SIPA1L1: variants seen among roughly 807,000 people sequenced by gnomAD.
The protein encoded by SIPA1L1 is signal induced proliferation associated 1 like 1.
Under a neutral mutation model 162.7 loss-of-function variants are expected in SIPA1L1, and 26 were observed. The observed-to-expected ratio is 0.16, with a 90% CI of 0.12 to 0.22. The LOEUF (loss-of-function observed/expected upper bound fraction) is 0.22. Among genes scored for constraint, SIPA1L1 ranks in the 10% least tolerant of loss-of-function variants. The probability of loss-of-function intolerance (pLI) is 1.00; values close to 1 mark genes in which losing one functional copy is unlikely to be tolerated. For missense variants in SIPA1L1, 1,874 were observed against 2,241.0 expected, an observed-to-expected ratio of 0.84 and a Z score of 3.31; for synonymous variants, 829 against 837.4, an observed-to-expected ratio of 0.99 and a Z score of 0.17.
intron 5 of SIPA1L1, among the ~76,000 whole-genome samples, chr14:71,599,088 T>G (rs184137261): frequency 1.9e-3 from 293 of 151,906 alleles, no homozygotes; most frequent in African/African-American, 6.6e-3. Context: ...CTTATTTCAC[T>G]TAACATAATG....
chr14:71,709,810 A>G (rs2082732439), intron 17 of SIPA1L1, 146 bp downstream of exon 17: 1 of 634,064 alleles, frequency 1.6e-6, no homozygotes, highest in Non-Finnish European at 2.6e-6. Context: ...AATGCCCTTT[A>G]TTTGCCTTCA....
At chr14:71,679,274 A>G (rs1472386752) in intron 12 of SIPA1L1, among the ~76,000 whole-genome samples, 1 of 152,188 alleles carries the variant, frequency 6.6e-6, no homozygotes, top group East Asian at 1.9e-4. Context: ...AGTGGGGGCC[A>G]ATATTCAACA....
chr14:71,339,049 G>C (rs2035378796), intron 2 of SIPA1L1, among the ~76,000 whole-genome samples: 2 of 152,080 alleles, frequency 1.3e-5, no homozygotes, highest in South Asian at 4.1e-4. Flanking sequence ...CAGATTACCA[G>C]ATATTTATTG....
At chr14:71,416,704 AAAAG>A (rs1045843317) in intron 2 of SIPA1L1, among the ~76,000 whole-genome samples, 16 of 135,920 alleles carry the variant, frequency 1.2e-4, no homozygotes, top group African/African-American at 2.7e-4. Context: ...TCTATACTCT[AAAAG>A]AAAGAAAAAT....
At chr14:71,568,429 C>G (rs2031229116) in intron 4 of SIPA1L1, among the ~76,000 whole-genome samples, 1 of 152,170 alleles carries the variant, frequency 6.6e-6, no homozygotes, top group South Asian at 2.1e-4. Flanking sequence ...GGGCCATTCA[C>G]AAGCCTGAGT....
Position 71,344,451 on chromosome 14 carries a change from G to T in SIPA1L1, c.-465+23270G>T, listed in dbSNP as rs1269230156. Among the ~76,000 whole-genome samples, 5 of 152,244 alleles carry T rather than the reference G, an allele frequency of 3.3e-5. No homozygotes were observed. The East Asian group carries it at 9.6e-4, about 29-fold the overall frequency. ...TTAGTATGTCACTTGTAAGGCAGCAGGCCCAGTGCCTGACATATAGTAGAT... is the reference window on the plus strand; with the variant it reads ...TTAGTATGTCACTTGTAAGGCAGCATGCCCAGTGCCTGACATATAGTAGAT... On this transcript the variant is annotated intron_variant, in intron 2 of 23. Transcript: ENST00000381232.
intron 13 of SIPA1L1, among the ~76,000 whole-genome samples, chr14:71,688,740 T>G (rs967603940): frequency 6.6e-6 from 1 of 152,180 alleles, no homozygotes; most frequent in African/African-American, 2.4e-5. Flanking sequence ...ATTTGGACCT[T>G]TCAGAGGAAT....
chr14:71,648,301 T>A (rs188158086), intron 7 of SIPA1L1, among the ~76,000 whole-genome samples: 423 of 151,872 alleles, frequency 2.8e-3, no homozygotes, highest in Non-Finnish European at 4.4e-3. Flanking sequence ...ATCTCAAAAA[T>A]ATATATATAT....
At chr14:71,413,713 G>T (rs2042567398) in intron 2 of SIPA1L1, among the ~76,000 whole-genome samples, 1 of 152,084 alleles carries the variant, frequency 6.6e-6, no homozygotes, top group Non-Finnish European at 1.5e-5. Flanking sequence ...CTCCAGCCTG[G>T]GCGACAAGAG....
chr14:71,718,461 T>C (rs1303545822), intron 17 of SIPA1L1, among the ~76,000 whole-genome samples: 2 of 152,210 alleles, frequency 1.3e-5, no homozygotes, highest in Non-Finnish European at 2.9e-5. Context: ...GGATCGGGGT[T>C]GATCTTATTT....
chr14:71,468,370 A>G (rs1396195212), intron 2 of SIPA1L1, among the ~76,000 whole-genome samples: 1 of 152,238 alleles, frequency 6.6e-6, no homozygotes, highest in Non-Finnish European at 1.5e-5. Context: ...CTGTACAAGC[A>G]TGGTGCTGGC....
In SIPA1L1 at chr14:71,710,164, A is replaced by G. The variant is rs182384763; in HGVS notation, c.4208+500A>G. 5.8e-3 allele frequency among the ~76,000 whole-genome samples: 879 copies of G among 152,322 alleles called. 8 individuals are homozygous for G. Among genetic ancestry groups the G allele is most frequent in the Middle Eastern group, 0.024 (7 of 294 alleles). ...GATATTTACATTGTAACTTTTTTTC[A>G]GTAATTGGCTCCTGGCAGCAATGGG... On this transcript the variant is annotated intron_variant, in intron 17 of 23. Transcript: ENST00000381232.
At chr14:71,350,789 AT>A (rs767777029) in intron 2 of SIPA1L1, among the ~76,000 whole-genome samples, 39 of 152,296 alleles carry the variant, frequency 2.6e-4, no homozygotes, top group Admixed American at 2.0e-4. Context: ...TAAATAGGTT[AT>A]TAGTTAGGGG....
chr14:71,438,376 C>T (rs1281263686), intron 2 of SIPA1L1, among the ~76,000 whole-genome samples: 1 of 152,180 alleles, frequency 6.6e-6, no homozygotes, highest in South Asian at 2.1e-4. Context: ...CCCCTGTGGC[C>T]TTCCTGCTCT....
intron 2 of SIPA1L1, among the ~76,000 whole-genome samples, chr14:71,367,742 G>T (rs1290017439): frequency 6.6e-6 from 1 of 151,028 alleles, no homozygotes; most frequent in Admixed American, 6.6e-5. Context: ...GAGTAGCTGG[G>T]ATTACAGGCG....
At chr14:71,433,123 T>C (rs907052066) in intron 2 of SIPA1L1, among the ~76,000 whole-genome samples, 2 of 152,210 alleles carry the variant, frequency 1.3e-5, no homozygotes, top group Non-Finnish European at 2.9e-5. Context: ...TATTCTGCTG[T>C]ATAGTGTTAG....
chr14:71,665,567 T>C (rs1414710323), intron 10 of SIPA1L1, among the ~76,000 whole-genome samples: 1 of 152,202 alleles, frequency 6.6e-6, no homozygotes, highest in African/African-American at 2.4e-5. Flanking sequence ...GAGCTGTTAA[T>C]AGCGAGTATA....
chr14:71,417,533 G>C (rs1212430636), intron 2 of SIPA1L1, among the ~76,000 whole-genome samples: 3 of 128,720 alleles, frequency 2.3e-5, no homozygotes, highest in African/African-American at 8.9e-5. Context: ...AAATATATTT[G>C]CTATTCATTA....
intron 19 of SIPA1L1, 79 bp from the exon 20 acceptor site, chr14:71,729,976 A>T (rs1345707448): frequency 6.6e-7 from 1 of 1,511,332 alleles, no homozygotes; most frequent in Non-Finnish European, 9.0e-7. Flanking sequence ...TAACTTGGTT[A>T]TCCCACCCTC....
Sources: allele counts gnomAD v4.1 joint callset (sites outside exome capture counted in the v4.1 genomes callset), GRCh38; gene constraint gnomAD v4.1.1; transcripts MANE v1.5; gene names NCBI Gene and HGNC (gene_info 2026-07-23, HGNC 2026-07-21).